Variants in LAMA2 observed in about 807,000 individuals in gnomAD.
LAMA2 encodes laminin subunit alpha-2.
Under a neutral mutation model 364.8 loss-of-function variants are expected in LAMA2, and 269 were observed. The ratio of observed to expected loss-of-function variants is 0.74; its 90% confidence interval spans 0.67 to 0.82. LAMA2 has a LOEUF of 0.82. LAMA2 is among the 40% of genes least tolerant of loss of function. The pLI, the probability that LAMA2 is intolerant of heterozygous loss-of-function variation, is 0.00. For missense variants in LAMA2, 3,807 were observed against 3,873.2 expected (o/e 0.98, Z 0.45); for synonymous variants, 1,379 against 1,370.6 (o/e 1.01, Z -0.14).
intron 51 of LAMA2, among the ~76,000 whole-genome samples, chr6:129,471,273 C>T (rs986176024): frequency 6.6e-6 from 1 of 151,894 alleles, no homozygotes; most frequent in Non-Finnish European, 1.5e-5. Flanking sequence ...CCCACTTCAT[C>T]GCTATCACTC....
chr6:129,329,424 C>T (rs1045232617), intron 29 of LAMA2, among the ~76,000 whole-genome samples: 6 of 151,990 alleles, frequency 3.9e-5, no homozygotes, highest in African/African-American at 4.8e-5. Flanking sequence ...AGGGCAGTGG[C>T]GATCCTGGCT....
At chr6:129,030,385 A>G (rs1786141071) in intron 1 of LAMA2, among the ~76,000 whole-genome samples, 1 of 152,142 alleles carries the variant, frequency 6.6e-6, no homozygotes, top group African/African-American at 2.4e-5. Flanking sequence ...GTACTTGGAA[A>G]GGTGGAGTGA....
chr6:129,478,535 G>A (rs1244690849), intron 53 of LAMA2, 158 bp from the exon 54 acceptor site: 3 of 719,508 alleles, frequency 4.2e-6, no homozygotes, highest in Non-Finnish European at 7.4e-6. Flanking sequence ...CCAACCAGTA[G>A]ACAATGGAAA....
intron 12 of LAMA2, among the ~76,000 whole-genome samples, chr6:129,224,693 C>T (rs1222290475): frequency 3.9e-5 from 6 of 152,132 alleles, no homozygotes; most frequent in East Asian, 1.9e-4. Flanking sequence ...CCCACTTGAT[C>T]GTGGTGGATA....
chr6:129,511,100 C>A (rs565511355), intron 62 of LAMA2, among the ~76,000 whole-genome samples: 1 of 152,136 alleles, frequency 6.6e-6, no homozygotes, highest in Admixed American at 6.6e-5. Flanking sequence ...CTCACTTCCT[C>A]TGTTTCTAAT....
chr6:129,392,563 A>G (rs879364045), intron 36 of LAMA2, among the ~76,000 whole-genome samples: 15 of 152,224 alleles, frequency 9.9e-5, no homozygotes, highest in African/African-American at 3.4e-4. Context: ...TTCCAGATCA[A>G]TCAGTTGGAA....
intron 12 of LAMA2, among the ~76,000 whole-genome samples, chr6:129,247,270 C>T (rs1051894281): frequency 6.6e-6 from 1 of 151,794 alleles, no homozygotes; most frequent in Admixed American, 6.6e-5. Context: ...GCCAACATGG[C>T]GAAATCCCAT....
At chr6:129,200,116 A>G (rs957669250) in intron 12 of LAMA2, among the ~76,000 whole-genome samples, 1 of 117,076 alleles carries the variant, frequency 8.5e-6, no homozygotes, top group Admixed American at 8.2e-5. Context: ...GTACACGTAT[A>G]TATATGTGTA....
At chr6:129,283,098 G>A (rs576400450) in intron 18 of LAMA2, among the ~76,000 whole-genome samples, 2 of 152,110 alleles carry the variant, frequency 1.3e-5, no homozygotes, top group South Asian at 4.2e-4. Context: ...CTATTTTTGA[G>A]GTATCACTGC....
intron 1 of LAMA2, among the ~76,000 whole-genome samples, chr6:128,924,979 C>A (rs1171688707): frequency 1.3e-5 from 2 of 152,110 alleles, no homozygotes. Flanking sequence ...GCTTTATACC[C>A]ATTAGGATGG....
chr6:129,483,388 C>T (rs978727247), intron 55 of LAMA2, among the ~76,000 whole-genome samples: 5 of 151,786 alleles, frequency 3.3e-5, no homozygotes, highest in Admixed American at 3.3e-4. Context: ...AGAATAAGAA[C>T]AAATATATAA....
chr6:129,355,276 T>A (rs1777089971), intron 32 of LAMA2, among the ~76,000 whole-genome samples: 1 of 152,178 alleles, frequency 6.6e-6, no homozygotes, highest in Non-Finnish European at 1.5e-5. Flanking sequence ...AAACTAACTC[T>A]AAGAATTGTT....
intron 9 of LAMA2, among the ~76,000 whole-genome samples, chr6:129,174,484 AGTGT>A (rs58286852): frequency 2.2e-3 from 330 of 147,100 alleles, no homozygotes; most frequent in Middle Eastern, 6.9e-3. Flanking sequence ...ATGTTTCGTA[AGTGT>A]GTGTGTGTGT....
In LAMA2 at chr6:128,958,719, G is replaced by A. The variant is rs76020028; in HGVS notation, c.112+75362G>A. Among the ~76,000 whole-genome samples, 592 of 152,220 alleles carry A rather than the reference G, an allele frequency of 3.9e-3. 8 individuals carry two copies. The highest frequency in any genetic ancestry group is 0.034 in the East Asian group (177 of 5,178). On this transcript the variant is annotated intron_variant, in intron 1 of 64. Transcript: ENST00000421865. ...AAATATATTTTCACTGAATTTAATT[G>A]TATCTAAGTAATACCTTTCGAAGAG...
In LAMA2 at chr6:129,238,174, A is replaced by C. The variant is rs557823856; in HGVS notation, c.1783-11938A>C. 2.7e-3 allele frequency among the ~76,000 whole-genome samples: 348 copies of C among 130,472 alleles called. 2 individuals are homozygous for C. Among genetic ancestry groups the C allele is most frequent in the African/African-American group, 0.011 (339 of 29,860 alleles). The allele number at this position is 130,472 out of a possible 152,430, so 85.6% of individuals were successfully genotyped here. ...GGCAACAGAGCAAGACTCCATCTCA[A>C]AAAAAAAAAAAGGAAGAGAGACAAT... On this transcript the variant is annotated intron_variant, in intron 12 of 64. Transcript: ENST00000421865.
intron 20 of LAMA2, 29 bp downstream of exon 20, chr6:129,291,749 A>C (rs780324170): frequency 1.5e-5 from 21 of 1,439,634 alleles, no homozygotes; most frequent in Non-Finnish European, 1.9e-5. Context: ...CCCATAAATT[A>C]CTTTCTCCTT....
At chr6:128,920,147 T>A (rs1778597474) in intron 1 of LAMA2, among the ~76,000 whole-genome samples, 1 of 151,934 alleles carries the variant, frequency 6.6e-6, no homozygotes, top group South Asian at 2.1e-4. Context: ...CCAATTTTCA[T>A]GCTCATTTTT....
chr6:128,911,699 C>G (rs548715831), intron 1 of LAMA2, among the ~76,000 whole-genome samples: 1 of 152,280 alleles, frequency 6.6e-6, no homozygotes, highest in South Asian at 2.1e-4. Flanking sequence ...AGTTTTTTTA[C>G]ACATAAGAAA....
At chr6:128,921,394 T>A (rs899238337) in intron 1 of LAMA2, among the ~76,000 whole-genome samples, 1 of 152,190 alleles carries the variant, frequency 6.6e-6, no homozygotes, top group Non-Finnish European at 1.5e-5. Context: ...CAGGTAACTA[T>A]GAATGTGACC....
Sources: gnomAD v4.1 joint callset for allele counts (sites outside exome capture counted in the v4.1 genomes callset) on GRCh38, gnomAD v4.1.1 for gene constraint, MANE v1.5 for transcripts, NCBI Gene and HGNC (gene_info 2026-07-23, HGNC 2026-07-21) for gene names.